Variants in GPHN observed in about 807,000 individuals in gnomAD.
GPHN encodes gephyrin.
In GPHN, 17 loss-of-function variants were observed where a neutral mutation model predicts 95.5. The observed-to-expected ratio is 0.18, with a 90% CI of 0.12 to 0.27. The LOEUF is 0.27. Ranked by LOEUF, GPHN falls within the 10% of genes least tolerant of loss-of-function variation. GPHN has a pLI of 1.00. For missense variants in GPHN, 660 were observed against 978.1 expected, an observed-to-expected ratio of 0.67 and a Z score of 4.34; for synonymous variants, 320 against 322.5, an observed-to-expected ratio of 0.99 and a Z score of 0.08.
the GPHN span, chr14:67,648,234 A>G: frequency 6.4e-7 from 1 of 1,563,238 alleles, no homozygotes. Context: ...TAAATATGCT[A>G]GAGTCTCTTG....
chr14:67,362,450 A>G, the GPHN span, among the ~76,000 whole-genome samples: 1 of 152,214 alleles, frequency 6.6e-6, no homozygotes, highest in Non-Finnish European at 1.5e-5. Context: ...TTTGACTAGC[A>G]CATAATGGTT....
At chr14:67,351,509 TTATTA>T in the GPHN span, among the ~76,000 whole-genome samples, 1 of 152,150 alleles carries the variant, frequency 6.6e-6, no homozygotes, top group African/African-American at 2.4e-5. Context: ...TTTTAACTTT[TTATTA>T]TTTTTATTTT....
At chr14:66,514,304 C>T (rs2058154799) in intron 1 of GPHN, among the ~76,000 whole-genome samples, 1 of 151,884 alleles carries the variant, frequency 6.6e-6, no homozygotes, top group Admixed American at 6.6e-5. Flanking sequence ...CAGATCTCGT[C>T]ATTCTTCTGC....
intron 1 of GPHN, among the ~76,000 whole-genome samples, chr14:66,519,954 T>C (rs1195909700): frequency 6.6e-6 from 1 of 152,116 alleles, no homozygotes; most frequent in African/African-American, 2.4e-5. Flanking sequence ...GGCTGCAAAT[T>C]GAATCTATGT....
At chr14:67,258,838 C>T in the GPHN span, among the ~76,000 whole-genome samples, 2 of 151,896 alleles carry the variant, frequency 1.3e-5, no homozygotes, top group African/African-American at 4.8e-5. Context: ...GAAATATGTT[C>T]GGATGATTTT....
the GPHN span, among the ~76,000 whole-genome samples, chr14:67,476,301 T>A: frequency 6.6e-6 from 1 of 152,308 alleles, no homozygotes; most frequent in South Asian, 2.1e-4. Context: ...ATAATTAAAA[T>A]TCAGGCTGGG....
the GPHN span, among the ~76,000 whole-genome samples, chr14:67,638,369 C>CA: frequency 4.7e-4 from 70 of 147,976 alleles, no homozygotes; most frequent in Non-Finnish European, 5.3e-4. Flanking sequence ...ACAAATAATC[C>CA]AAAAAAAAAA....
chr14:67,639,924 C>CAAAAAA, the GPHN span, among the ~76,000 whole-genome samples: 1 of 61,826 alleles, frequency 1.6e-5, no homozygotes, highest in Non-Finnish European at 2.9e-5. Context: ...GACCCTGTCT[C>CAAAAAA]AAAAAAAAAA....
intron 1 of GPHN, among the ~76,000 whole-genome samples, chr14:66,625,348 C>T (rs191099243): frequency 6.6e-6 from 1 of 152,304 alleles, no homozygotes; most frequent in East Asian, 1.9e-4. Flanking sequence ...GCTAGGATTA[C>T]ACTCATGGGC....
At chr14:67,328,019 A>G in the GPHN span, among the ~76,000 whole-genome samples, 18 of 152,164 alleles carry the variant, frequency 1.2e-4, no homozygotes, top group Non-Finnish European at 2.6e-4. Flanking sequence ...GGCTGGGTCA[A>G]ATGGTATTTC....
At chr14:67,374,397 T>C in the GPHN span, 1 of 807,706 alleles carries the variant, frequency 1.2e-6, no homozygotes, top group Non-Finnish European at 1.9e-6. Context: ...CTTAATTTGG[T>C]CTTCAAAGCT....
At chr14:66,758,573 T>A (rs964207940) in intron 2 of GPHN, among the ~76,000 whole-genome samples, 2 of 152,046 alleles carry the variant, frequency 1.3e-5, no homozygotes, top group Admixed American at 1.3e-4. Flanking sequence ...TTAGAAGACA[T>A]GTATCAAAAT....
chr14:67,123,446 G>A (rs184160409), intron 17 of GPHN, among the ~76,000 whole-genome samples: 34 of 152,256 alleles, frequency 2.2e-4, no homozygotes, highest in Non-Finnish European at 3.5e-4. Context: ...AGGCCAAGGC[G>A]GGTGGATCAC....
chr14:67,503,405 T>TG, the GPHN span: 1 of 152,314 alleles, frequency 6.6e-6, no homozygotes, highest in Non-Finnish European at 1.5e-5. Flanking sequence ...AAGGATTTCC[T>TG]GGGGGCGCTG....
chr14:67,365,876 GC>G, the GPHN span, among the ~76,000 whole-genome samples: 1 of 151,922 alleles, frequency 6.6e-6, no homozygotes, highest in Non-Finnish European at 1.5e-5. Flanking sequence ...TTTTATTATA[GC>G]CTTAGATGAT....
the GPHN span, among the ~76,000 whole-genome samples, chr14:67,503,299 G>A: frequency 6.6e-6 from 1 of 152,240 alleles, no homozygotes; most frequent in South Asian, 2.1e-4. Context: ...CAAGGCAGGT[G>A]AGTGCCCTTC....
the GPHN span, chr14:67,340,312 CTTAT>C: frequency 2.7e-6 from 2 of 738,730 alleles, no homozygotes; most frequent in Non-Finnish European, 4.4e-6. Flanking sequence ...TTTCTTGCTG[CTTAT>C]TTATCAGAAT....
intron 2 of GPHN, among the ~76,000 whole-genome samples, chr14:66,769,631 C>T (rs1349081445): frequency 6.6e-6 from 1 of 152,126 alleles, no homozygotes; most frequent in Non-Finnish European, 1.5e-5. Context: ...CCAGCTCCAT[C>T]CAAGTCCCTG....
chr14:66,840,469 C>T (rs1242884634), intron 4 of GPHN, among the ~76,000 whole-genome samples: 3 of 151,912 alleles, frequency 2.0e-5, no homozygotes, highest in East Asian at 1.9e-4. Context: ...GGTCAGCAAA[C>T]CTATTTAAAA....
Sources: gnomAD v4.1 joint callset for allele counts (sites outside exome capture counted in the v4.1 genomes callset) on GRCh38, gnomAD v4.1.1 for gene constraint, MANE v1.5 for transcripts, NCBI Gene and HGNC (gene_info 2026-07-23, HGNC 2026-07-21) for gene names.